DPYSL4: variants seen among roughly 807,000 people sequenced by gnomAD.
DPYSL4 encodes the protein dihydropyrimidinase like 4, also known as dihydropyrimidinase-related protein 4.
Under a neutral mutation model 63.4 loss-of-function variants are expected in DPYSL4, and 43 were observed. The ratio of observed to expected loss-of-function variants is 0.68; its 90% CI spans 0.53 to 0.88. The LOEUF (loss-of-function observed/expected upper bound fraction) is 0.88, where lower values mean the gene tolerates loss of function less well. Ranked by LOEUF, DPYSL4 falls within the 40% of genes least tolerant of loss-of-function variation. The probability of loss-of-function intolerance (pLI) is 0.00; values close to 1 mark genes in which losing one functional copy is unlikely to be tolerated. For synonymous variants in DPYSL4, 353 were observed against 331.7 expected (o/e 1.06, Z -0.70); for missense variants, 733 against 819.5 (o/e 0.89, Z 1.29).
chr10:132,187,339 CGGCCCTGCCCGGCCCTGCCG>C (rs1199628057), intron 1 of DPYSL4, among the ~76,000 whole-genome samples: 60 of 19,918 alleles, frequency 3.0e-3, no homozygotes, highest in South Asian at 0.02. Context: ...CGGCCCGGCC[CGGCCCTGCCCGGCCCTGCCG>C]GGCCCTGCCG....
rs557478282 is a variant in DPYSL4, at chr10:132,197,102, G to GTGCCGTGGGGCAGGGC, written c.621+16_621+31dup. The GTGCCGTGGGGCAGGGC allele has an allele frequency of 2.0e-5, 30 of 1,506,098 alleles. No individual in the cohort carries two copies. Among genetic ancestry groups the GTGCCGTGGGGCAGGGC allele is most frequent in the African/African-American group, 2.8e-5 (2 of 72,280 alleles). The allele number at this position is 1,506,098 out of a possible 1,614,324, so 93.3% of individuals were successfully genotyped here. A position where few individuals can be genotyped will look rare whatever the true frequency, so the allele number is the denominator to read the frequency against. On this transcript the variant is annotated splice_donor_variant, in intron 6 of 13. Coordinates refer to ENST00000338492, the MANE Select transcript of DPYSL4 (RefSeq NM_006426.3). LOFTEE classifies it high-confidence loss of function. Reference sequence around the variant, plus strand: ...TGAGAACGGGGACATCGTGGAGGAGGTGCCGTGGGGCAGGGCTGCCGTGGG... The same window carrying GTGCCGTGGGGCAGGGC: ...TGAGAACGGGGACATCGTGGAGGAGGTGCCGTGGGGCAGGGCTGCCGTGGGGCAGGGCTGCCGTGGG...
intron 1 of DPYSL4, among the ~76,000 whole-genome samples, chr10:132,189,055 C>T (rs984314469): frequency 6.6e-6 from 1 of 152,220 alleles, no homozygotes; most frequent in African/African-American, 2.4e-5. Context: ...GAGAGTTTTA[C>T]CAATTGTGCA....
Position 132,192,732 on chromosome 10 carries a change from G to T in DPYSL4, c.203G>T (p.Gly68Val). The T allele has an allele frequency of 6.2e-7, 1 of 1,613,442 alleles. No homozygotes were observed. Among genetic ancestry groups the T allele is most frequent in the Non-Finnish European group, 8.5e-7 (1 of 1,179,968 alleles). The change falls in exon 3 of 14, where the codon GGT becomes GTT. Residue 68 changes from glycine (G) to valine (V), a missense_variant. Coordinates refer to ENST00000338492, the MANE Select transcript of DPYSL4 (RefSeq NM_006426.3). ...IDAHGLMVLP[G>V]GVDVHTRLQM... ...GCCCACGGCCTGATGGTCCTTCCTG[G>T]TGGCGTTGACGTCCACACAAGGCTG...
rs774296840 is a variant in DPYSL4 at position 132,202,015 on chromosome 10, T to G, written c.1180T>G (p.Phe394Val). ...TSTNAAKIFN[F>V]YPRKGRVAVG... is the part of the protein sequence containing the mutation. ...TACAAATGCTGCCAAAATCTTCAAT[T>G]TTTACCCAAGGAAGGGGCGAGTGGC... The change falls in exon 11 of 14, where the codon TTT becomes GTT. Residue 394 changes from phenylalanine (F) to valine (V), a missense_variant. Physicochemically the swap from Phe to Val is conservative, Grantham distance 50. Transcript: ENST00000338492. 1.2e-6 allele frequency: 2 copies of G among 1,613,294 alleles called. No homozygotes were observed. Among genetic ancestry groups the G allele is most frequent in the Admixed American group, 3.3e-5 (2 of 60,024 alleles).
Position 132,200,419 on chromosome 10 carries a change from G to A in DPYSL4, c.875G>A (p.Ser292Asn), listed in dbSNP as rs1465809779. Residue 292 changes from serine to asparagine, a missense_variant, in exon 9 of 14, where the codon AGC becomes AAC. Coordinates refer to ENST00000338492, the MANE Select transcript of DPYSL4 (RefSeq NM_006426.3). ...SLGTDGSHYW[S>N]KNWAKAAAFV... ...GGCACCGACGGTTCACACTACTGGA[G>A]CAAGAACTGGGCCAAGGCCGCAGCC... 6.2e-7 allele frequency: 1 copy of A among 1,613,604 alleles called. No individual in the cohort carries two copies. The highest frequency in any genetic ancestry group is 1.7e-5 in the Admixed American group (1 of 60,008).
At chr10:132,196,943 C>G in intron 5 of DPYSL4, 21 bp downstream of exon 5, 2 of 1,613,596 alleles carry the variant, frequency 1.2e-6, no homozygotes, top group South Asian at 1.1e-5. Context: ...GCGTGGGGAA[C>G]GGAGTGGGCA....
chr10:132,192,152 TA>T, intron 2 of DPYSL4: 1 of 225,000 alleles, frequency 4.4e-6, no homozygotes, highest in Non-Finnish European at 7.4e-6. Flanking sequence ...TCTTCTTTTC[TA>T]AACCCATCCT....
At chr10:132,195,987 G>A (rs568825723) in intron 4 of DPYSL4, among the ~76,000 whole-genome samples, 30 of 152,344 alleles carry the variant, frequency 2.0e-4, no homozygotes, top group Admixed American at 5.9e-4. Flanking sequence ...ACAGCACTGC[G>A]CAACCCAAAC....
chr10:132,198,416 A>G lies in DPYSL4; in HGVS notation c.623A>G (p.Glu208Gly), dbSNP rs367555962. Residue 208 changes from glutamate to glycine, a missense_variant and splice_region_variant, in exon 7 of 14, where the codon GAG (glutamate) becomes GGG (glycine). Coordinates refer to ENST00000338492, the MANE Select transcript of DPYSL4 (RefSeq NM_006426.3). ...HAENGDIVEEEQKRLLELGIT... is the reference protein window; with the variant it reads ...HAENGDIVEEGQKRLLELGIT... ...GAGGCATCCTGTTGGTTTCTTTAGG[A>G]GCAGAAGCGGTTGCTGGAGCTCGGC... The G allele has an allele frequency of 1.9e-6, 3 of 1,605,408 alleles. No individual in the cohort carries two copies. Among genetic ancestry groups the G allele is most frequent in the African/African-American group, 2.7e-5 (2 of 74,830 alleles).
intron 1 of DPYSL4, among the ~76,000 whole-genome samples, chr10:132,189,640 A>G (rs2137498505): frequency 6.6e-6 from 1 of 150,388 alleles, no homozygotes; most frequent in East Asian, 1.9e-4. Flanking sequence ...TTGGTCAGCA[A>G]GTCCTGCCCT....
chr10:132,202,305 G>T (rs1448033900), intron 11 of DPYSL4, among the ~76,000 whole-genome samples, 189 bp downstream of exon 11: 1 of 152,256 alleles, frequency 6.6e-6, no homozygotes, highest in Non-Finnish European at 1.5e-5. Context: ...ACCTCGCTGC[G>T]TGGCCGCTGC....
At chr10:132,202,543 G>C in intron 11 of DPYSL4, 103 bp from the exon 12 acceptor site, 1 of 1,464,454 alleles carries the variant, frequency 6.8e-7, no homozygotes, top group South Asian at 1.3e-5. Flanking sequence ...GGCACACCGG[G>C]CCTGCTCCAC....
At chr10:132,194,651 G>T (rs941637642) in intron 3 of DPYSL4, among the ~76,000 whole-genome samples, 194 bp from the exon 4 acceptor site, 31 of 152,174 alleles carry the variant, frequency 2.0e-4, no homozygotes, top group African/African-American at 7.2e-4. Context: ...GGGACAGAAG[G>T]TTCCTCTTTG....
chr10:132,193,252 A>G (rs2061900266), intron 3 of DPYSL4, among the ~76,000 whole-genome samples: 1 of 152,264 alleles, frequency 6.6e-6, no homozygotes, highest in Non-Finnish European at 1.5e-5. Context: ...GTTCTTGCTC[A>G]TGTCAAGAAG....
intron 3 of DPYSL4, among the ~76,000 whole-genome samples, chr10:132,194,298 A>T (rs1219599742): frequency 4.6e-5 from 7 of 152,218 alleles, no homozygotes; most frequent in African/African-American, 1.7e-4. Context: ...GAGGCCAGTG[A>T]GCAGTGTTCG....
chr10:132,197,800 A>G (rs1219654158), intron 6 of DPYSL4, among the ~76,000 whole-genome samples: 3 of 152,310 alleles, frequency 2.0e-5, no homozygotes, highest in Non-Finnish European at 2.9e-5. Flanking sequence ...GGGGGTCCCC[A>G]GTGTCCTCGT....
intron 6 of DPYSL4, among the ~76,000 whole-genome samples, chr10:132,197,806 C>G (rs577183444): frequency 2.0e-5 from 3 of 152,316 alleles, no homozygotes; most frequent in African/African-American, 7.2e-5. Context: ...CCCCAGTGTC[C>G]TCGTCCACCC....
chr10:132,204,881 A>T lies in DPYSL4; in HGVS notation c.1670A>T (p.Lys557Met). ...CACATCGCCCGACGCACAGCACAGA[A>T]GATCATGGCACCACCTGGCGGCCGC... ...DDHIARRTAQ[K>M]IMAPPGGRSN... is the part of the protein sequence containing the mutation. The change falls in exon 14 of 14, where the codon AAG becomes ATG. Residue 557 changes from lysine to methionine, a missense_variant. Lys to Met is a moderately conservative substitution (Grantham distance 95). Transcript: ENST00000338492. The T allele has an allele frequency of 2.5e-6, 4 of 1,612,832 alleles. No homozygotes were observed. Among genetic ancestry groups the T allele is most frequent in the Middle Eastern group, 1.7e-4 (1 of 6,050 alleles).
Position 132,202,629 on chromosome 10 carries a change from C to G in DPYSL4, c.1282-17C>G. 3 of 1,610,544 alleles carry G rather than the reference C, an allele frequency of 1.9e-6. No individual in the cohort carries two copies. The highest frequency in any genetic ancestry group is 1.7e-6 in the Non-Finnish European group (2 of 1,179,436). ...CCCCAGCGTGGAGGCACTGGACCCT[C>G]GGGCCTCTCTCCCCAGAACGTGGAG... On this transcript the variant is annotated splice_polypyrimidine_tract_variant and intron_variant, in intron 11 of 13. Coordinates refer to ENST00000338492, the MANE Select transcript of DPYSL4 (RefSeq NM_006426.3).
Sources: allele counts gnomAD v4.1 joint callset (sites outside exome capture counted in the v4.1 genomes callset), GRCh38; gene constraint gnomAD v4.1.1; transcripts MANE v1.5; gene names NCBI Gene and HGNC (gene_info 2026-07-23, HGNC 2026-07-21).